Variants in TTLL7 observed in about 807,000 individuals in gnomAD.
TTLL7 encodes the protein tubulin polyglutamylase TTLL7.
A neutral mutation model predicts 120.2 loss-of-function variants in TTLL7; 53 were observed. The observed-to-expected ratio is 0.44, with a 90% CI of 0.35 to 0.55. TTLL7 has a LOEUF of 0.55. TTLL7 is among the 20% of genes least tolerant of loss of function. The pLI is 0.00. For missense variants in TTLL7, 803 were observed against 1,054.7 expected, an observed-to-expected ratio of 0.76 and a Z score of 3.31; for synonymous variants, 353 against 351.7, an observed-to-expected ratio of 1.00 and a Z score of -0.04.
At chr1:83,919,631 G>T in intron 13 of TTLL7, 68 bp downstream of exon 13, 1 of 1,381,258 alleles carries the variant, frequency 7.2e-7, no homozygotes, top group Non-Finnish European at 9.7e-7. Context: ...GGACCAAGGT[G>T]GCTTGTCTGT....
At chr1:83,885,211 G>A (rs184764678) in intron 19 of TTLL7, 2 of 158,782 alleles carry the variant, frequency 1.3e-5, no homozygotes, top group Admixed American at 1.3e-4. Context: ...TTGACTGTCT[G>A]CCTGGCACTT....
intron 1 of TTLL7, among the ~76,000 whole-genome samples, chr1:83,958,671 T>C (rs956264654): frequency 6.6e-6 from 1 of 152,250 alleles, no homozygotes; most frequent in African/African-American, 2.4e-5. Flanking sequence ...TATGAAATCA[T>C]GCTTTTTCTC....
At chr1:83,914,761 C>T (rs1438588033) in intron 14 of TTLL7, among the ~76,000 whole-genome samples, 1 of 152,152 alleles carries the variant, frequency 6.6e-6, no homozygotes, top group Non-Finnish European at 1.5e-5. Flanking sequence ...CTTTACACTC[C>T]CTTTATTATA....
intron 18 of TTLL7, among the ~76,000 whole-genome samples, chr1:83,897,490 C>T (rs570073178): frequency 1.3e-5 from 2 of 152,160 alleles, no homozygotes; most frequent in African/African-American, 4.8e-5. Flanking sequence ...TTGTGGCAGC[C>T]ATGGAGATGT....
At chr1:83,933,899 T>C (rs2100824181) in intron 8 of TTLL7, 133 bp from the exon 9 acceptor site, 2 of 750,664 alleles carry the variant, frequency 2.7e-6, no homozygotes, top group Admixed American at 2.7e-5. Context: ...CTGCCACTGC[T>C]CTGACTTCAT....
At chr1:83,897,157 T>C (rs1656293697) in intron 18 of TTLL7, among the ~76,000 whole-genome samples, 2 of 152,084 alleles carry the variant, frequency 1.3e-5, no homozygotes, top group Non-Finnish European at 2.9e-5. Flanking sequence ...TCTGTGTGTA[T>C]GTCATTCTAA....
At chr1:83,942,707 A>G in intron 6 of TTLL7, 28 bp from the exon 7 acceptor site, 1 of 1,521,254 alleles carries the variant, frequency 6.6e-7, no homozygotes, top group South Asian at 1.2e-5. Context: ...AATTAAAAGA[A>G]TGATTTGACA....
At chr1:83,878,383 A>G (rs555607477) in intron 20 of TTLL7, among the ~76,000 whole-genome samples, 16 of 152,006 alleles carry the variant, frequency 1.1e-4, no homozygotes, top group Non-Finnish European at 2.4e-4. Flanking sequence ...ATCTTCCTCT[A>G]TGGTTGTAAA....
intron 20 of TTLL7, 51 bp from the exon 21 acceptor site, chr1:83,870,133 CTCA>C: frequency 6.7e-7 from 1 of 1,501,616 alleles, no homozygotes; most frequent in Non-Finnish European, 8.9e-7. Flanking sequence ...TTATAACTAA[CTCA>C]CTAAAGGGTT....
At position 83,870,788 on chromosome 1, in the gene TTLL7, T is replaced by C. The variant is rs1430924300; in HGVS notation, c.2544-706A>G. ...AGCCAGGCATGGTGGCAGATGCCTG[T>C]AATCCCAGCCACTTGGGAGGCTGAG... is the stretch of plus-strand genomic sequence containing the variant. On this transcript the variant is annotated intron_variant, in intron 20 of 20. Coordinates refer to ENST00000260505, the MANE Select transcript of TTLL7 (RefSeq NM_024686.6). Among the ~76,000 whole-genome samples, 3 of 151,446 alleles carry C rather than the reference T, an allele frequency of 2.0e-5. No individual in the cohort carries two copies. The East Asian group carries it at 5.9e-4, about 30-fold the overall frequency.
chr1:83,871,181 A>G (rs917234531), intron 20 of TTLL7, among the ~76,000 whole-genome samples: 1 of 151,856 alleles, frequency 6.6e-6, no homozygotes, highest in Non-Finnish European at 1.5e-5. Flanking sequence ...ACGCCCAGCT[A>G]ATTTTTTTCT....
chr1:83,980,442 T>C (rs1443416350), intron 1 of TTLL7: 1 of 152,166 alleles, frequency 6.6e-6, no homozygotes, highest in Non-Finnish European at 1.5e-5. Context: ...AATTTTTAAT[T>C]TTTTTCTGTA....
intron 18 of TTLL7, among the ~76,000 whole-genome samples, chr1:83,895,823 CTT>C (rs1435230345): frequency 1.3e-5 from 2 of 152,064 alleles, no homozygotes; most frequent in Non-Finnish European, 2.9e-5. Flanking sequence ...CCCATTATCT[CTT>C]CTTAGATTCA....
intron 10 of TTLL7, among the ~76,000 whole-genome samples, chr1:83,928,211 A>T (rs1168422456): frequency 6.6e-6 from 1 of 152,210 alleles, no homozygotes; most frequent in African/African-American, 2.4e-5. Flanking sequence ...CTTTCATGCA[A>T]AAAACATGTA....
At chr1:83,915,555 G>A (rs538460337) in intron 14 of TTLL7, among the ~76,000 whole-genome samples, 3 of 152,122 alleles carry the variant, frequency 2.0e-5, no homozygotes, top group African/African-American at 7.2e-5. Flanking sequence ...GAAAACCTAG[G>A]CAATACCATT....
chr1:83,948,184 AACACACAC>A (rs35199174), intron 5 of TTLL7, among the ~76,000 whole-genome samples: 6 of 147,370 alleles, frequency 4.1e-5, no homozygotes, highest in East Asian at 4.1e-4. Context: ...GACACACACA[AACACACAC>A]ACACACACAC....
At chr1:83,942,804 G>C in intron 6 of TTLL7, 125 bp from the exon 7 acceptor site, 2 of 649,138 alleles carry the variant, frequency 3.1e-6, no homozygotes, top group East Asian at 5.5e-5. Flanking sequence ...CTCCACAAAA[G>C]CAATGAAGAG....
chr1:83,978,074 A>G (rs1390175314), intron 1 of TTLL7, among the ~76,000 whole-genome samples: 2 of 152,170 alleles, frequency 1.3e-5, no homozygotes, highest in African/African-American at 2.4e-5. Context: ...TAGTAGACAT[A>G]TATATTTATG....
Position 83,996,126 on chromosome 1 carries a change from TG to T in TTLL7, c.-177+2804del, listed in dbSNP as rs543734464. On this transcript the variant is annotated intron_variant, in intron 1 of 20. Transcript: ENST00000260505. Reference sequence around the variant, plus strand: ...TCTTTAGTTGGTCAAATTATGAGGGTGTTTTTTTCCTTTTTATATTCTTAAA... The same window carrying T: ...TCTTTAGTTGGTCAAATTATGAGGGTTTTTTTTCCTTTTTATATTCTTAAA... Among the ~76,000 whole-genome samples the T allele has an allele frequency of 7.2e-3, 1,098 of 152,226 alleles. 20 individuals are homozygous for T. The highest frequency in any genetic ancestry group is 0.025 in the African/African-American group (1,050 of 41,518).
Sources: allele counts gnomAD v4.1 joint callset (sites outside exome capture counted in the v4.1 genomes callset), GRCh38; gene constraint gnomAD v4.1.1; transcripts MANE v1.5; gene names NCBI Gene and HGNC (gene_info 2026-07-23, HGNC 2026-07-21).